Variants in ASPRV1 observed in about 807,000 individuals in gnomAD.
ASPRV1 encodes the protein retroviral-like aspartic protease 1.
A neutral mutation model predicts 11.0 loss-of-function variants in ASPRV1; 7 were observed. The observed-to-expected ratio is 0.64, with a 90% CI of 0.36 to 1.20. The LOEUF is 1.20. Ranked by LOEUF, ASPRV1 falls within the 50% of genes most tolerant of loss-of-function variation. The pLI is 0.02. For missense variants in ASPRV1, 299 were observed against 320.0 expected, an observed-to-expected ratio of 0.93 and a Z score of 0.50; for synonymous variants, 136 against 138.4, an observed-to-expected ratio of 0.98 and a Z score of 0.12.
rs1245660044 is a variant in ASPRV1 at position 69,961,297 on chromosome 2, T to C, written c.140A>G (p.His47Arg). ...TTTCAGGAACCTTAGCTTGGTGATA[T>C]GGTCCCAATGGTTGAGGTCATTGAT... The part of the protein sequence containing the change: ...EVINDLNHWD[H>R]ITKLRFLKES... The change falls in exon 1 of 1, where the codon CAT (histidine) becomes CGT (arginine). Residue 47 changes from histidine to arginine, a missense_variant. Physicochemically the swap from His to Arg is conservative, Grantham distance 29. Transcript: ENST00000320256. 1.9e-6 allele frequency: 3 copies of C among 1,614,140 alleles called. No homozygotes were observed. Among genetic ancestry groups the C allele is most frequent in the African/African-American group, 1.3e-5 (1 of 75,024 alleles).
At chr2:70,077,961 G>GT in the ASPRV1 span, among the ~76,000 whole-genome samples, 5 of 151,996 alleles carry the variant, frequency 3.3e-5, no homozygotes, top group Non-Finnish European at 7.4e-5. Context: ...GAGGTCAGGA[G>GT]TTTGAGACCA....
the ASPRV1 span, among the ~76,000 whole-genome samples, chr2:70,075,937 T>C: frequency 3.3e-5 from 5 of 152,116 alleles, no homozygotes; most frequent in Admixed American, 1.3e-4. Context: ...ACAAGCATAA[T>C]AACAAGAGAG....
At chr2:70,069,754 G>A in the ASPRV1 span, among the ~76,000 whole-genome samples, 8 of 152,068 alleles carry the variant, frequency 5.3e-5, no homozygotes, top group African/African-American at 1.9e-4. Flanking sequence ...ATACACAAAA[G>A]TCTAGTTCAT....
At chr2:69,968,791 T>C in the ASPRV1 span, among the ~76,000 whole-genome samples, 1 of 152,170 alleles carries the variant, frequency 6.6e-6, no homozygotes, top group Non-Finnish European at 1.5e-5. Flanking sequence ...CCCTGGTCGC[T>C]GGGGACAAGC....
chr2:69,991,134 C>G, the ASPRV1 span, among the ~76,000 whole-genome samples: 1 of 152,196 alleles, frequency 6.6e-6, no homozygotes, highest in Non-Finnish European at 1.5e-5. Flanking sequence ...TGCCCCCACA[C>G]CCCCTTCCTC....
chr2:70,059,063 A>G, the ASPRV1 span, among the ~76,000 whole-genome samples: 1 of 143,520 alleles, frequency 7.0e-6, no homozygotes, highest in Non-Finnish European at 1.5e-5. Context: ...AATTTTTTGT[A>G]TTTTTTTTTA....
At chr2:69,984,925 C>T in the ASPRV1 span, among the ~76,000 whole-genome samples, 2 of 150,818 alleles carry the variant, frequency 1.3e-5, no homozygotes, top group African/African-American at 2.4e-5. Flanking sequence ...GGCGCAATCT[C>T]GGCTCACTGC....
chr2:69,978,874 G>A, the ASPRV1 span, among the ~76,000 whole-genome samples: 1 of 152,162 alleles, frequency 6.6e-6, no homozygotes, highest in African/African-American at 2.4e-5. Context: ...GTGCCATTTG[G>A]ACAAGAGGCC....
At chr2:70,079,595 T>C in the ASPRV1 span, among the ~76,000 whole-genome samples, 1 of 151,426 alleles carries the variant, frequency 6.6e-6, no homozygotes, top group African/African-American at 2.4e-5. Context: ...AAAAAAAAAG[T>C]TGAGAAGGAG....
the ASPRV1 span, among the ~76,000 whole-genome samples, chr2:70,027,252 T>G: frequency 9.5e-6 from 1 of 105,730 alleles, no homozygotes. Flanking sequence ...AGCAAGACCC[T>G]GTCTCTCAAA....
chr2:69,979,137 C>T, the ASPRV1 span, among the ~76,000 whole-genome samples: 7 of 152,056 alleles, frequency 4.6e-5, no homozygotes, highest in South Asian at 2.1e-4. Context: ...TGGATTCAAG[C>T]GATTCTTCTG....
chr2:70,031,531 A>G, the ASPRV1 span: 1 of 152,240 alleles, frequency 6.6e-6, no homozygotes, highest in Non-Finnish European at 1.5e-5. Context: ...CCCCGTCTCT[A>G]CTAAAAATAC....
At chr2:69,969,186 C>T in the ASPRV1 span, among the ~76,000 whole-genome samples, 20,916 of 152,142 alleles carry the variant, frequency 0.14, 2,157 homozygotes, top group African/African-American at 0.27. Flanking sequence ...CTTGCCAAGC[C>T]TATGTGCCAG....
In ASPRV1 at chr2:69,961,294, A is replaced by G. The variant is rs753692462; in HGVS notation, c.143T>C (p.Ile48Thr). ...CTCTTTCAGGAACCTTAGCTTGGTG[A>G]TATGGTCCCAATGGTTGAGGTCATT... ...VINDLNHWDH[I>T]TKLRFLKESL... The change falls in exon 1 of 1, where the codon ATC becomes ACC. Residue 48 changes from isoleucine (I) to threonine (T), a missense_variant. By Grantham distance (89) the Ile-to-Thr change is moderately conservative. Transcript: ENST00000320256. 1 of 1,614,076 alleles carries G rather than the reference A, an allele frequency of 6.2e-7. No individual in the cohort carries two copies. The highest frequency in any genetic ancestry group is 8.5e-7 in the Non-Finnish European group (1 of 1,180,004).
chr2:70,062,074 T>G, the ASPRV1 span, among the ~76,000 whole-genome samples: 34,471 of 150,820 alleles, frequency 0.23, 6,944 homozygotes, highest in African/African-American at 0.51. Context: ...GATTGCCTGA[T>G]GTCAGGAGTT....
chr2:69,933,218 AAAAAAAC>A, the ASPRV1 span, among the ~76,000 whole-genome samples: 1 of 151,216 alleles, frequency 6.6e-6, no homozygotes, highest in Admixed American at 6.6e-5. Flanking sequence ...AAAAAAAAAA[AAAAAAAC>A]AAAAAAAGAA....
chr2:70,077,017 ACAGT>A, the ASPRV1 span, among the ~76,000 whole-genome samples: 4 of 152,214 alleles, frequency 2.6e-5, no homozygotes, highest in Non-Finnish European at 5.9e-5. Flanking sequence ...TCAAGGCCAC[ACAGT>A]CAGTTACCGG....
chr2:70,007,182 T>C, the ASPRV1 span, among the ~76,000 whole-genome samples: 39 of 152,364 alleles, frequency 2.6e-4, no homozygotes, highest in African/African-American at 8.9e-4. Flanking sequence ...ATATCCATTC[T>C]GTGAAATACT....
chr2:70,030,544 G>C, the ASPRV1 span: 1 of 152,108 alleles, frequency 6.6e-6, no homozygotes, highest in African/African-American at 2.4e-5. Flanking sequence ...AGCAGGGAAG[G>C]CTGCCTGTTT....
Sources: gnomAD v4.1 joint callset for allele counts (sites outside exome capture counted in the v4.1 genomes callset) on GRCh38, gnomAD v4.1.1 for gene constraint, MANE v1.5 for transcripts, NCBI Gene and HGNC (gene_info 2026-07-23, HGNC 2026-07-21) for gene names.